HECW1: variants seen among roughly 807,000 people sequenced by gnomAD.
The protein encoded by HECW1 is E3 ubiquitin-protein ligase HECW1.
A neutral mutation model predicts 182.3 loss-of-function variants in HECW1; 61 were observed. The ratio of observed to expected loss-of-function variants is 0.33; its 90% CI spans 0.27 to 0.41. The LOEUF is 0.41. Ranked by LOEUF, HECW1 falls within the 10% of genes least tolerant of loss-of-function variation. The probability of loss-of-function intolerance (pLI) is 1.00; values close to 1 mark genes in which losing one functional copy is unlikely to be tolerated. For synonymous variants in HECW1, 859 were observed against 832.6 expected (o/e 1.03, Z -0.55); for missense variants, 1,739 against 2,108.9 (o/e 0.82, Z 3.44).
Position 43,407,577 on chromosome 7 carries a change from G to A in HECW1, c.647G>A (p.Gly216Glu). ...TATTTTATAGATTTCCAAGCCATGG[G>A]GTTGAAGAAAGGGATGTTTTTCAAC... Reference protein sequence around the residue: ...SFSLSDFQAMGLKKGMFFNPD... With the variant: ...SFSLSDFQAMELKKGMFFNPD... Residue 216 changes from glycine to glutamate, a missense_variant, in exon 8 of 30, where the codon GGG becomes GAG. Transcript: ENST00000395891. The A allele has an allele frequency of 2.5e-6, 4 of 1,612,294 alleles. No homozygotes were observed. The highest frequency in any genetic ancestry group is 3.4e-6 in the Non-Finnish European group (4 of 1,178,814).
At chr7:43,340,679 C>G (rs1812857654) in intron 5 of HECW1, among the ~76,000 whole-genome samples, 1 of 151,674 alleles carries the variant, frequency 6.6e-6, no homozygotes, top group South Asian at 2.1e-4. Flanking sequence ...AGTATTTCCC[C>G]TAAATTAAAG....
At chr7:43,297,467 T>G (rs922039461) in intron 3 of HECW1, among the ~76,000 whole-genome samples, 7 of 152,202 alleles carry the variant, frequency 4.6e-5, no homozygotes, top group Non-Finnish European at 1.0e-4. Context: ...TGGCCAGTAG[T>G]CTCTAGGGAT....
At position 43,500,983 on chromosome 7, in the gene HECW1, G is replaced by T. The variant is rs117623466; in HGVS notation, c.3521+201G>T. 1.1e-3 allele frequency among the ~76,000 whole-genome samples: 175 copies of T among 152,296 alleles called. 1 individual carries two copies. In the East Asian group the frequency reaches 0.028, roughly 24 times the overall value. On this transcript the variant is annotated intron_variant, in intron 20 of 29. Coordinates refer to ENST00000395891, the MANE Select transcript of HECW1 (RefSeq NM_015052.5). ...ATTTGCAATTGAGCTAGCAAGAGCT[G>T]CGTAAAGTACTTGATGGAGACTTTG...
chr7:43,555,692 C>T (rs1169016497), intron 29 of HECW1, among the ~76,000 whole-genome samples: 1 of 152,204 alleles, frequency 6.6e-6, no homozygotes, highest in East Asian at 1.9e-4. Flanking sequence ...GGACAATTCA[C>T]CTGGTGTCGG....
chr7:43,520,982 C>T (rs2080445246), intron 24 of HECW1, among the ~76,000 whole-genome samples: 1 of 152,230 alleles, frequency 6.6e-6, no homozygotes, highest in South Asian at 2.1e-4. Context: ...CCCTTCAGGT[C>T]CTGAGGCAGG....
chr7:43,312,180 A>G (rs189350131), intron 4 of HECW1, 93 bp downstream of exon 4: 3 of 1,171,600 alleles, frequency 2.6e-6, no homozygotes, highest in Admixed American at 4.7e-5. Flanking sequence ...AAAATATACA[A>G]GCAACTGTGT....
rs563883202 is a variant in HECW1, at chr7:43,195,597, G to A, written c.-31-48278G>A. Among the ~76,000 whole-genome samples, 41 of 152,218 alleles carry A rather than the reference G, an allele frequency of 2.7e-4. No individual in the cohort carries two copies. The South Asian group carries it at 7.7e-3, about 28-fold the overall frequency. On this transcript the variant is annotated intron_variant, in intron 2 of 29. Transcript: ENST00000395891. ...CCATTGATACTGGTGGGCTGGGGTC[G>A]GTCCCCAAATACCAGTAGGACCTGG... is the stretch of plus-strand genomic sequence containing the variant.
intron 2 of HECW1, chr7:43,162,982 T>C (rs1005486855): frequency 6.6e-6 from 1 of 152,174 alleles, no homozygotes; most frequent in Non-Finnish European, 1.5e-5. Flanking sequence ...ACATGAGCAG[T>C]GAGCAGAGGA....
chr7:43,129,695 G>A (rs1786688267), intron 2 of HECW1, among the ~76,000 whole-genome samples: 1 of 152,126 alleles, frequency 6.6e-6, no homozygotes, highest in Non-Finnish European at 1.5e-5. Context: ...CAAACCACTG[G>A]TGTCTTAATT....
At chr7:43,479,816 T>C in intron 17 of HECW1, 72 bp downstream of exon 17, 1 of 1,562,928 alleles carries the variant, frequency 6.4e-7, no homozygotes. Flanking sequence ...AGCAGAACAG[T>C]TCTTCAGTGG....
chr7:43,186,663 C>T (rs915055404), intron 2 of HECW1, among the ~76,000 whole-genome samples: 12 of 128,132 alleles, frequency 9.4e-5, no homozygotes, highest in Admixed American at 4.0e-4. Flanking sequence ...AGCGAGACTC[C>T]GTCTCAAAAA....
At chr7:43,179,812 G>A (rs1745358228) in intron 2 of HECW1, among the ~76,000 whole-genome samples, 1 of 152,126 alleles carries the variant, frequency 6.6e-6, no homozygotes, top group Admixed American at 6.5e-5. Context: ...AAGAGCCTAA[G>A]GGAGAGTTCA....
At chr7:43,155,674 C>T (rs1324769271) in intron 2 of HECW1, among the ~76,000 whole-genome samples, 3 of 152,070 alleles carry the variant, frequency 2.0e-5, no homozygotes, top group Non-Finnish European at 4.4e-5. Flanking sequence ...TTTGTATTAC[C>T]GTTTTGACTT....
intron 2 of HECW1, among the ~76,000 whole-genome samples, chr7:43,225,998 C>G (rs1797392241): frequency 6.6e-6 from 1 of 152,062 alleles, no homozygotes; most frequent in African/African-American, 2.4e-5. Flanking sequence ...GTCTCGATCT[C>G]CTGGACTCAA....
chr7:43,314,740 A>C (rs566144869), intron 4 of HECW1, among the ~76,000 whole-genome samples: 16 of 152,370 alleles, frequency 1.1e-4, no homozygotes, highest in South Asian at 4.1e-4. Flanking sequence ...TAGCATTTCA[A>C]AAATAACTTC....
chr7:43,124,013 G>C (rs1439345598), intron 2 of HECW1, among the ~76,000 whole-genome samples: 3 of 152,236 alleles, frequency 2.0e-5, no homozygotes, highest in African/African-American at 7.2e-5. Context: ...TGTATCTACA[G>C]GTGTGGGAGT....
intron 16 of HECW1, among the ~76,000 whole-genome samples, chr7:43,474,198 C>T (rs926827478): frequency 6.6e-6 from 1 of 152,122 alleles, no homozygotes; most frequent in Non-Finnish European, 1.5e-5. Flanking sequence ...GCCTGTAATC[C>T]CAGCTCTTTG....
intron 7 of HECW1, among the ~76,000 whole-genome samples, chr7:43,406,329 G>C (rs991899849): frequency 4.6e-5 from 7 of 152,162 alleles, no homozygotes; most frequent in African/African-American, 1.4e-4. Flanking sequence ...TTGGCATTTG[G>C]TGGTCATTTT....
At chr7:43,446,385 G>T (rs1390180240) in intron 11 of HECW1, among the ~76,000 whole-genome samples, 1 of 152,176 alleles carries the variant, frequency 6.6e-6, no homozygotes, top group Non-Finnish European at 1.5e-5. Flanking sequence ...CTGTCTTCCA[G>T]TCAAGTGACA....
Sources: allele counts gnomAD v4.1 joint callset (sites outside exome capture counted in the v4.1 genomes callset), GRCh38; gene constraint gnomAD v4.1.1; transcripts MANE v1.5; gene names NCBI Gene and HGNC (gene_info 2026-07-23, HGNC 2026-07-21).